The following PPP1R8 variants were observed in gnomAD, a reference collection of about 807,000 sequenced individuals.
PPP1R8 encodes protein phosphatase 1 regulatory subunit 8, also known as nuclear inhibitor of protein phosphatase 1.
Under a neutral mutation model 31.3 loss-of-function variants are expected in PPP1R8, and 4 were observed. That is an observed-to-expected ratio of 0.13 (90% CI 0.06 to 0.29). The LOEUF (loss-of-function observed/expected upper bound fraction) is 0.29. Ranked by LOEUF, PPP1R8 falls within the 10% of genes least tolerant of loss-of-function variation. The pLI is 1.00. For synonymous variants in PPP1R8, 170 were observed against 169.7 expected (o/e 1.00, Z -0.01); for missense variants, 254 against 440.1 (o/e 0.58, Z 3.78).
At chr1:27,830,994 G>T (rs769636482) in intron 1 of PPP1R8, 103 bp downstream of exon 1, 6 of 1,442,718 alleles carry the variant, frequency 4.2e-6, no homozygotes, top group Non-Finnish European at 5.5e-6. Flanking sequence ...GAACGGCTCA[G>T]AAACCCCGGA....
intron 2 of PPP1R8, 120 bp downstream of exon 2, chr1:27,832,936 A>ATT: frequency 8.4e-5 from 64 of 762,706 alleles, no homozygotes; most frequent in Non-Finnish European, 1.1e-4. Context: ...TTTCATCCTG[A>ATT]TTTTTTTTTT....
chr1:27,840,019 G>A (rs1047062185), intron 3 of PPP1R8, among the ~76,000 whole-genome samples: 3 of 152,102 alleles, frequency 2.0e-5, no homozygotes, highest in African/African-American at 7.2e-5. Context: ...ATTATCGCAT[G>A]ACTGTACTCC....
At chr1:27,840,128 TAA>T (rs2089209130) in intron 3 of PPP1R8, among the ~76,000 whole-genome samples, 1 of 152,212 alleles carries the variant, frequency 6.6e-6, no homozygotes, top group African/African-American at 2.4e-5. Flanking sequence ...CACCAATTAA[TAA>T]GAGTTTAAAC....
chr1:27,837,498 C>T (rs182465102), intron 2 of PPP1R8, among the ~76,000 whole-genome samples: 58 of 149,232 alleles, frequency 3.9e-4, no homozygotes, highest in Non-Finnish European at 1.3e-4. Flanking sequence ...AAAGTTGGGC[C>T]GGGCGCAGCG....
chr1:27,839,244 A>G (rs1483733029), intron 3 of PPP1R8, among the ~76,000 whole-genome samples: 1 of 152,166 alleles, frequency 6.6e-6, no homozygotes, highest in Non-Finnish European at 1.5e-5. Flanking sequence ...CAACCAAAAA[A>G]GAGCTGGGTG....
rs150005794 is a variant in PPP1R8 at position 27,833,098 on chromosome 1, T to G, written c.117+282T>G. 5.0e-4 allele frequency among the ~76,000 whole-genome samples: 76 copies of G among 152,310 alleles called. No homozygotes were observed. The East Asian group carries it at 0.013, about 27-fold the overall frequency. ...TGGAAGCCCTGTTAGCTTGGTTAAT[T>G]CCCTCTCCCTGAGTACATGGAGTTG... On this transcript the variant is annotated intron_variant, in intron 2 of 6. Transcript: ENST00000311772.
chr1:27,848,269 G>T (rs1475175443), intron 6 of PPP1R8, among the ~76,000 whole-genome samples: 1 of 152,128 alleles, frequency 6.6e-6, no homozygotes, highest in Non-Finnish European at 1.5e-5. Flanking sequence ...GTTGGGCGTG[G>T]TGGTGGGCGC....
chr1:27,846,707 C>T (rs1370984006), intron 5 of PPP1R8, among the ~76,000 whole-genome samples: 1 of 152,220 alleles, frequency 6.6e-6, no homozygotes, highest in Admixed American at 6.5e-5. Flanking sequence ...CAGCACAGCA[C>T]AGTGGTGCAG....
In PPP1R8 at chr1:27,847,080, G is replaced by C. The variant is rs1391412829; in HGVS notation, c.690G>C (p.Val230=). ...TCAGGAACATGGTGCAAACTGCAGT[G>C]GTCCCAGTCAAGGTAGGAAGCACAT... ...GRFRNMVQTA[V]VPVKKKRVEG... is the part of the protein sequence containing the mutation. Residue 230 remains valine, a synonymous_variant, in exon 6 of 7, where the codon GTG becomes GTC. Transcript: ENST00000311772. 1 of 1,613,942 alleles carries C rather than the reference G, an allele frequency of 6.2e-7. No individual in the cohort carries two copies. The highest frequency in any genetic ancestry group is 2.2e-5 in the East Asian group (1 of 44,884).
intron 2 of PPP1R8, among the ~76,000 whole-genome samples, chr1:27,836,478 G>A (rs1013506241): frequency 2.0e-5 from 3 of 151,964 alleles, no homozygotes; most frequent in Non-Finnish European, 4.4e-5. Flanking sequence ...TGCAGTGGCC[G>A]ATCTCGGCTC....
At chr1:27,847,729 CAAAA>C (rs1169901788) in intron 6 of PPP1R8, among the ~76,000 whole-genome samples, 1 of 147,220 alleles carries the variant, frequency 6.8e-6, no homozygotes, top group East Asian at 2.0e-4. Context: ...GACTCCATCT[CAAAA>C]AAAAAATAAC....
chr1:27,832,486 G>A (rs1271052340), intron 1 of PPP1R8, among the ~76,000 whole-genome samples: 1 of 152,194 alleles, frequency 6.6e-6, no homozygotes, highest in Non-Finnish European at 1.5e-5. Context: ...TTCTTTCTCT[G>A]AGGTGAAGAT....
intron 4 of PPP1R8, among the ~76,000 whole-genome samples, chr1:27,842,342 CAA>C (rs567804256): frequency 6.3e-4 from 40 of 63,152 alleles, no homozygotes; most frequent in Admixed American, 1.1e-3. Context: ...AACTCCGTCT[CAA>C]AAAAAAAAAA....
At chr1:27,841,309 T>C in intron 4 of PPP1R8, 75 bp downstream of exon 4, 1 of 1,490,594 alleles carries the variant, frequency 6.7e-7, no homozygotes, top group African/African-American at 1.4e-5. Context: ...TCTATGTAGC[T>C]GGAAATGCCA....
At chr1:27,847,734 A>C (rs2089299627) in intron 6 of PPP1R8, among the ~76,000 whole-genome samples, 1 of 152,120 alleles carries the variant, frequency 6.6e-6, no homozygotes, top group Non-Finnish European at 1.5e-5. Flanking sequence ...CATCTCAAAA[A>C]AAAAATAACC....
At chr1:27,844,443 T>C (rs1006998829) in intron 5 of PPP1R8, among the ~76,000 whole-genome samples, 7 of 151,974 alleles carry the variant, frequency 4.6e-5, no homozygotes, top group Non-Finnish European at 7.4e-5. Context: ...TTCTCCTGCC[T>C]CAGCCTCCCA....
chr1:27,831,769 T>C (rs888174303), intron 1 of PPP1R8, among the ~76,000 whole-genome samples: 6 of 152,192 alleles, frequency 3.9e-5, no homozygotes, highest in African/African-American at 1.4e-4. Flanking sequence ...TCCGGTGCAT[T>C]GTCCTTTCCA....
intron 4 of PPP1R8, among the ~76,000 whole-genome samples, chr1:27,841,493 C>T (rs2089222334): frequency 6.6e-6 from 1 of 152,184 alleles, no homozygotes; most frequent in Admixed American, 6.6e-5. Context: ...TTTTGTGCAC[C>T]TTCACTGGCT....
Position 27,850,495 on chromosome 1 carries a change from G to C in PPP1R8, c.*49G>C. 1 of 1,459,668 alleles carries C rather than the reference G, an allele frequency of 6.9e-7. No individual in the cohort carries two copies. The highest frequency in any genetic ancestry group is 1.3e-5 in the South Asian group (1 of 76,878). 90.4% of individuals were successfully genotyped at this position (1,459,668 alleles called of 1,614,324 possible). A position where few individuals can be genotyped will look rare whatever the true frequency, so the allele number is the denominator to read the frequency against. On this transcript the variant is annotated 3_prime_UTR_variant, in exon 7 of 7. Transcript: ENST00000311772. ...GGGATTGGGTGGGAATGGGGTGGAA[G>C]GGTGATGGGGAGCTAATGAACTAGG...
Sources: allele counts gnomAD v4.1 joint callset (sites outside exome capture counted in the v4.1 genomes callset), GRCh38; gene constraint gnomAD v4.1.1; transcripts MANE v1.5; gene names NCBI Gene and HGNC (gene_info 2026-07-23, HGNC 2026-07-21).